THOC2: variants seen among roughly 807,000 people sequenced by gnomAD.
The protein encoded by THOC2 is THO complex 2.
In THOC2, 10 loss-of-function variants were observed where a neutral mutation model predicts 128.4. The ratio of observed to expected loss-of-function variants is 0.08; its 90% CI spans 0.05 to 0.13. The LOEUF (loss-of-function observed/expected upper bound fraction) is 0.13, where lower values mean the gene tolerates loss of function less well. Ranked by LOEUF, THOC2 falls within the 10% of genes least tolerant of loss-of-function variation. The probability of loss-of-function intolerance (pLI) is 1.00; values close to 1 mark genes in which losing one functional copy is unlikely to be tolerated. For synonymous variants in THOC2, 393 were observed against 396.9 expected (o/e 0.99, Z 0.12); for missense variants, 535 against 1,155.7 (o/e 0.46, Z 7.79).
chrX:123,610,607 A>T (rs751776610), intron 38 of THOC2, among the ~76,000 whole-genome samples: 1 of 111,943 alleles, frequency 8.9e-6, no homozygotes, highest in Admixed American at 9.5e-5. Flanking sequence ...TTACAAGGCA[A>T]TAAGGACTTT....
intron 21 of THOC2, 149 bp from the exon 22 acceptor site, chrX:123,632,001 C>CA (rs753143088): frequency 2.8e-5 from 14 of 508,431 alleles, no homozygotes; most frequent in African/African-American, 9.9e-5. Flanking sequence ...GACCATATTA[C>CA]AAAAAAAGAT....
intron 8 of THOC2, among the ~76,000 whole-genome samples, chrX:123,674,091 C>T (rs369599949): frequency 1.8e-5 from 2 of 111,610 alleles, no homozygotes; most frequent in African/African-American, 3.3e-5. Flanking sequence ...ATATATATAA[C>T]GTTGTTCAAG....
intron 33 of THOC2, among the ~76,000 whole-genome samples, chrX:123,615,656 TAC>T (rs988551946): frequency 4.3e-4 from 39 of 91,510 alleles, no homozygotes; most frequent in African/African-American, 8.6e-4. Context: ...AAAAAAAAAA[TAC>T]ACACACACAC....
intron 3 of THOC2, among the ~76,000 whole-genome samples, chrX:123,704,321 C>G (rs1395991826): frequency 9.0e-6 from 1 of 111,360 alleles, no homozygotes; most frequent in Non-Finnish European, 1.9e-5. Flanking sequence ...AATACAAAAC[C>G]AGCTAAAAAG....
At chrX:123,654,591 T>TA (rs1252865367) in intron 12 of THOC2, among the ~76,000 whole-genome samples, 48 of 101,815 alleles carry the variant, frequency 4.7e-4, no homozygotes, top group Non-Finnish European at 7.0e-4. Context: ...CCTTCTCTAC[T>TA]AAAAAAAAAT....
intron 8 of THOC2, among the ~76,000 whole-genome samples, chrX:123,685,541 T>C (rs2049967485): frequency 8.9e-6 from 1 of 111,823 alleles, no homozygotes; most frequent in Non-Finnish European, 1.9e-5. Flanking sequence ...GCAATATCTA[T>C]ATCTAAGTTC....
intron 9 of THOC2, among the ~76,000 whole-genome samples, chrX:123,668,739 CA>C (rs1288634721): frequency 2.7e-5 from 3 of 112,203 alleles, no homozygotes; most frequent in Non-Finnish European, 5.6e-5. Flanking sequence ...CTGAATAACA[CA>C]AAGGGATAAA....
At position 123,632,956 on chromosome X, in the gene THOC2, G is replaced by T; in HGVS notation, c.2221C>A (p.Pro741Thr). ...DALLDHDLAL[P>T]LCLLMAQQRN... ...TGCTGAGCCATAAGCAGACAGAGAG[G>T]AAGGGCAAGATCATGGTCCAATAGA... Residue 741 changes from proline (P) to threonine (T), a missense_variant, in exon 21 of 39, where the codon CCT becomes ACT. By Grantham distance (38) the Pro-to-Thr change is conservative. Transcript: ENST00000245838. 5 of 1,207,137 alleles carry T rather than the reference G, an allele frequency of 4.1e-6. No individual in the cohort carries two copies. The highest frequency in any genetic ancestry group is 5.6e-6 in the Non-Finnish European group (5 of 891,553).
intron 4 of THOC2, among the ~76,000 whole-genome samples, chrX:123,700,573 T>G (rs200137102): frequency 1.0e-5 from 1 of 97,874 alleles, no homozygotes; most frequent in Admixed American, 1.1e-4. Context: ...GGGGAGGAAG[T>G]TGCTATCTTA....
chrX:123,701,692 CAAAA>C (rs397972574), intron 4 of THOC2, among the ~76,000 whole-genome samples: 2 of 81,243 alleles, frequency 2.5e-5, no homozygotes, highest in African/African-American at 8.5e-5. Context: ...TATTTATTTG[CAAAA>C]AAAAAAAAAG....
chrX:123,705,654 C>A (rs1404689240), intron 3 of THOC2, among the ~76,000 whole-genome samples: 3 of 110,644 alleles, frequency 2.7e-5, no homozygotes, highest in East Asian at 5.7e-4. Flanking sequence ...CTCAAATACA[C>A]CCCAATATGG....
chrX:123,623,392 G>T, intron 28 of THOC2, 109 bp from the exon 29 acceptor site: 1 of 831,156 alleles, frequency 1.2e-6, no homozygotes, highest in Non-Finnish European at 1.7e-6. Flanking sequence ...TGTGGTTCTA[G>T]AGAATTAAAA....
intron 25 of THOC2, among the ~76,000 whole-genome samples, chrX:123,625,148 G>A (rs887579969): frequency 4.5e-5 from 5 of 111,552 alleles, no homozygotes; most frequent in African/African-American, 1.3e-4. Context: ...CTGGAGGGCC[G>A]TGGTGTGATC....
At chrX:123,610,763 T>C (rs1406289786) in intron 38 of THOC2, among the ~76,000 whole-genome samples, 155 bp downstream of exon 38, 2 of 112,184 alleles carry the variant, frequency 1.8e-5, no homozygotes, top group African/African-American at 6.5e-5. Context: ...TAACTCTGAA[T>C]CTTGTTTTGC....
At chrX:123,716,277 C>T (rs73547903) in intron 1 of THOC2, among the ~76,000 whole-genome samples, 2,745 of 112,648 alleles carry the variant, frequency 0.024, 79 homozygotes, top group African/African-American at 0.084. Flanking sequence ...TATGATAAAA[C>T]TCTCAACAAT....
intron 1 of THOC2, among the ~76,000 whole-genome samples, chrX:123,725,478 T>C (rs1038436512): frequency 1.9e-5 from 2 of 104,968 alleles, no homozygotes; most frequent in Non-Finnish European, 3.9e-5. Flanking sequence ...TGGTGGCACA[T>C]GCCTATAATC....
intron 2 of THOC2, among the ~76,000 whole-genome samples, chrX:123,711,122 G>T (rs981713938): frequency 8.6e-5 from 9 of 104,523 alleles, no homozygotes; most frequent in African/African-American, 3.1e-4. Flanking sequence ...GGGTTCAAGC[G>T]ATTCTCGTAC....
chrX:123,686,339 A>G (rs1455640329), intron 8 of THOC2, among the ~76,000 whole-genome samples: 1 of 112,076 alleles, frequency 8.9e-6, no homozygotes, highest in African/African-American at 3.2e-5. Context: ...GCAAAACTTA[A>G]TAATTCTTTC....
chrX:123,731,380 A>T (rs919225415), intron 1 of THOC2, among the ~76,000 whole-genome samples: 2 of 112,041 alleles, frequency 1.8e-5, no homozygotes, highest in African/African-American at 6.5e-5. Flanking sequence ...AGGCCTCCCA[A>T]TTCATTACAG....
Sources: allele counts gnomAD v4.1 joint callset (sites outside exome capture counted in the v4.1 genomes callset), GRCh38; gene constraint gnomAD v4.1.1; transcripts MANE v1.5; gene names NCBI Gene and HGNC (gene_info 2026-07-23, HGNC 2026-07-21).